Variants in RNF17 observed in about 807,000 individuals in gnomAD.
RNF17 encodes ring finger protein 17.
Under a neutral mutation model 200.5 loss-of-function variants are expected in RNF17, and 31 were observed. The observed-to-expected ratio is 0.15, with a 90% confidence interval of 0.12 to 0.21. The LOEUF is 0.21. RNF17 is among the 10% of genes least tolerant of loss of function. RNF17 has a pLI of 1.00. For missense variants in RNF17, 1,628 were observed against 1,905.1 expected, an observed-to-expected ratio of 0.85 and a Z score of 2.71; for synonymous variants, 606 against 637.8, an observed-to-expected ratio of 0.95 and a Z score of 0.75.
chr13:24,861,496 G>C (rs1187756710), intron 27 of RNF17, 109 bp downstream of exon 27: 1 of 719,986 alleles, frequency 1.4e-6, no homozygotes, highest in African/African-American at 1.9e-5. Flanking sequence ...CAACAAAAAA[G>C]TAATAAAACA....
At position 24,862,624 on chromosome 13, in the gene RNF17, G is replaced by A; in HGVS notation, c.3895-89G>A. On this transcript the variant is annotated intron_variant, in intron 27 of 35. Transcript: ENST00000255324. The stretch of plus-strand genomic sequence containing the variant: ...TTTGTACTACTATCTGATATTATTT[G>A]TTTATGGCTACTTTTGTGTATCTTA... 5.2e-6 allele frequency: 4 copies of A among 770,078 alleles called. No homozygotes were observed. The South Asian group carries it at 5.9e-5, about 11-fold the overall frequency. The allele number at this position is 770,078 out of a possible 1,614,324, so 47.7% of individuals were successfully genotyped here. A position where few individuals can be genotyped will look rare whatever the true frequency, so the allele number is the denominator to read the frequency against.
chr13:24,871,832 T>C (rs940576619), intron 32 of RNF17, among the ~76,000 whole-genome samples: 1 of 152,024 alleles, frequency 6.6e-6, no homozygotes, highest in East Asian at 1.9e-4. Context: ...AGGGTTTCAC[T>C]ATCTTGGCCG....
rs779822752 is a variant in RNF17 at position 24,874,241 on chromosome 13, A to G, written c.4575A>G (p.Thr1525=). 6 of 1,585,530 alleles carry G rather than the reference A, an allele frequency of 3.8e-6. No individual in the cohort carries two copies. The East Asian group carries it at 6.8e-5, about 18-fold the overall frequency. Residue 1525 remains threonine (T), a synonymous_variant, in exon 33 of 36, where the codon ACA becomes ACG. Coordinates refer to ENST00000255324, the MANE Select transcript of RNF17 (RefSeq NM_031277.3). ...FVDYGSTAKL[T]LNRLCQIPSH... ...ATTATGGATCAACTGCAAAGCTGAC[A>G]TTAAACAGGTTAAAAATAAATGTCG...
At chr13:24,815,504 G>T (rs1056186486) in intron 15 of RNF17, among the ~76,000 whole-genome samples, 1 of 149,406 alleles carries the variant, frequency 6.7e-6, no homozygotes, top group Non-Finnish European at 1.5e-5. Context: ...TTACATAGAA[G>T]ATCATGTCAT....
chr13:24,818,351 T>A (rs1476671578), intron 15 of RNF17, among the ~76,000 whole-genome samples: 1 of 152,178 alleles, frequency 6.6e-6, no homozygotes, highest in Admixed American at 6.5e-5. Flanking sequence ...AGAAAAGGTA[T>A]ATTTTACTAT....
In RNF17 at chr13:24,793,042, A is replaced by T. The variant is rs1168870661; in HGVS notation, c.936A>T (p.Lys312Asn). The change falls in exon 10 of 36, where the codon AAA becomes AAT. Residue 312 changes from lysine to asparagine, a missense_variant and splice_region_variant. Lys to Asn is a moderately conservative substitution (Grantham distance 94, BLOSUM62 0). Around this residue, in one of 5 missense-constraint regions of RNF17, gnomAD observed 502 missense variants for 501.7 expected, o/e 1.00. Coordinates refer to ENST00000255324, the MANE Select transcript of RNF17 (RefSeq NM_031277.3). ...CTTATATCTCTGTATTTTTAAACAG[A>T]TGTTATCCCCAAGAAAATGAAATTA... is the stretch of plus-strand genomic sequence containing the variant. ...MGKIEFRDST[K>N]CYPQENEIRQ... is the part of the protein sequence containing the mutation. 6.4e-7 allele frequency: 1 copy of T among 1,553,764 alleles called. No individual in the cohort carries two copies. Among genetic ancestry groups the T allele is most frequent in the East Asian group, 2.2e-5 (1 of 44,624 alleles).
chr13:24,866,827 C>G (rs904164496), intron 30 of RNF17, among the ~76,000 whole-genome samples: 33 of 152,190 alleles, frequency 2.2e-4, no homozygotes, highest in Admixed American at 2.6e-4. Context: ...GTTTAACATT[C>G]TAAAGATCTC....
At chr13:24,790,918 A>T (rs1468019290) in intron 9 of RNF17, among the ~76,000 whole-genome samples, 1 of 152,192 alleles carries the variant, frequency 6.6e-6, no homozygotes, top group Non-Finnish European at 1.5e-5. Flanking sequence ...TTGATCATTA[A>T]TTTCCCCAAA....
upstream of RNF17, among the ~76,000 whole-genome samples, chr13:24,761,239 T>G (rs1308392136): frequency 6.6e-6 from 1 of 152,242 alleles, no homozygotes; most frequent in Non-Finnish European, 1.5e-5. Context: ...TTCTATTCAA[T>G]AATTTGGTTT....
chr13:24,843,692 C>T (rs1890931748), intron 19 of RNF17, 52 bp from the exon 20 acceptor site: 2 of 1,107,078 alleles, frequency 1.8e-6, no homozygotes, highest in Admixed American at 3.9e-5. Context: ...TGAGCAAATG[C>T]AAACAAATAT....
At chr13:24,882,621 T>G (rs188324716), downstream of RNF17, 238 of 154,240 alleles carry the variant, frequency 1.5e-3, 3 homozygotes, top group South Asian at 9.7e-3. Context: ...CTGCTTTCTC[T>G]TCACCATGAT....
At chr13:24,750,664 TTTA>T in the RNF17 span, 1 of 152,268 alleles carries the variant, frequency 6.6e-6, no homozygotes, top group Non-Finnish European at 1.5e-5. Context: ...CTTGAAAATA[TTTA>T]TTTTTCTTGA....
At chr13:24,792,692 G>T (rs1470182738) in intron 9 of RNF17, among the ~76,000 whole-genome samples, 2 of 152,170 alleles carry the variant, frequency 1.3e-5, no homozygotes, top group African/African-American at 2.4e-5. Context: ...GCTAAATCCA[G>T]TTGGCTTTGT....
downstream of RNF17, among the ~76,000 whole-genome samples, chr13:24,881,874 C>CTA (rs1205749788): frequency 7.7e-6 from 1 of 129,448 alleles, no homozygotes; most frequent in South Asian, 2.4e-4. Context: ...ATAGATACAT[C>CTA]TATATAGATA....
At chr13:24,819,707 A>T (rs1360291384) in intron 15 of RNF17, among the ~76,000 whole-genome samples, 1 of 152,244 alleles carries the variant, frequency 6.6e-6, no homozygotes, top group African/African-American at 2.4e-5. Context: ...GCTCAATAAC[A>T]TAGATTTGTA....
intron 9 of RNF17, among the ~76,000 whole-genome samples, chr13:24,792,082 T>C (rs1883936243): frequency 6.6e-6 from 1 of 152,222 alleles, no homozygotes; most frequent in African/African-American, 2.4e-5. Flanking sequence ...CTTGACTTTA[T>C]GCTTACATGG....
intron 3 of RNF17, among the ~76,000 whole-genome samples, chr13:24,776,155 C>A (rs1345544782): frequency 6.6e-6 from 1 of 152,184 alleles, no homozygotes. Context: ...CTATTACATT[C>A]ATTTTACCTC....
At chr13:24,881,249 C>T (rs1488244032), downstream of RNF17, among the ~76,000 whole-genome samples, 2 of 151,810 alleles carry the variant, frequency 1.3e-5, no homozygotes, top group African/African-American at 2.4e-5. Context: ...TGAGTTCAAG[C>T]GATTGTCCTA....
In RNF17 at chr13:24,845,036, A is replaced by G; in HGVS notation, c.3058A>G (p.Thr1020Ala). The change falls in exon 22 of 36, where the codon ACA (threonine) becomes GCA (alanine). Residue 1020 changes from threonine to alanine, a missense_variant. Transcript: ENST00000255324. ...AAGAAAACTTGAAGAAAATCTAAAGACAATGGGAAGACTCTCTTTGGAATG... is the reference window on the plus strand; with the variant it reads ...AAGAAAACTTGAAGAAAATCTAAAGGCAATGGGAAGACTCTCTTTGGAATG... ...CLRKLEENLK[T>A]MGRLSLECSL... 1.2e-6 allele frequency: 2 copies of G among 1,600,980 alleles called. No individual in the cohort carries two copies. The highest frequency in any genetic ancestry group is 2.2e-5 in the East Asian group (1 of 44,756).
Sources: allele counts gnomAD v4.1 joint callset (sites outside exome capture counted in the v4.1 genomes callset), GRCh38; gene constraint gnomAD v4.1.1; regional missense constraint gnomAD v4.1.1; transcripts MANE v1.5; gene names NCBI Gene and HGNC (gene_info 2026-07-23, HGNC 2026-07-21).